The following RASGRF1 variants were observed in gnomAD, a reference collection of about 807,000 sequenced individuals.
RASGRF1 encodes ras-specific guanine nucleotide-releasing factor 1.
In RASGRF1, 40 loss-of-function variants were observed where a neutral mutation model predicts 138.7. That is an observed-to-expected ratio of 0.29 (90% CI 0.22 to 0.38). The LOEUF (loss-of-function observed/expected upper bound fraction) is 0.38, where lower values mean the gene tolerates loss of function less well. Ranked by LOEUF, RASGRF1 falls within the 10% of genes least tolerant of loss-of-function variation. RASGRF1 has a pLI of 1.00. For missense variants in RASGRF1, 1,108 were observed against 1,650.4 expected (o/e 0.67, Z 5.69); for synonymous variants, 614 against 663.2 (o/e 0.93, Z 1.14).
At chr15:79,066,875 C>G (rs184833053) in intron 1 of RASGRF1, among the ~76,000 whole-genome samples, 1 of 152,116 alleles carries the variant, frequency 6.6e-6, no homozygotes, top group African/African-American at 2.4e-5. Context: ...TTCAGGAAGC[C>G]GGCCGCAGGC....
chr15:79,086,171 G>A (rs185262905), intron 1 of RASGRF1, among the ~76,000 whole-genome samples: 1 of 152,170 alleles, frequency 6.6e-6, no homozygotes, highest in Non-Finnish European at 1.5e-5. Context: ...TACATTCTGC[G>A]TTGTTGGCAC....
intron 1 of RASGRF1, among the ~76,000 whole-genome samples, chr15:79,069,934 C>T (rs887821329): frequency 7.2e-5 from 11 of 152,202 alleles, no homozygotes; most frequent in Non-Finnish European, 2.9e-5. Context: ...AAAACCTTGG[C>T]CCTTATGAGG....
chr15:79,048,795 G>C (rs1176949557), intron 4 of RASGRF1, among the ~76,000 whole-genome samples: 1 of 152,216 alleles, frequency 6.6e-6, no homozygotes, highest in Non-Finnish European at 1.5e-5. Context: ...GATGGCGTTG[G>C]GGTCCTTTCA....
chr15:79,018,784 T>G (rs1279947550), intron 11 of RASGRF1, among the ~76,000 whole-genome samples: 4 of 152,108 alleles, frequency 2.6e-5, no homozygotes, highest in African/African-American at 7.2e-5. Flanking sequence ...TGCCTGTGTG[T>G]GGGTGTGTTT....
intron 9 of RASGRF1, among the ~76,000 whole-genome samples, chr15:79,026,407 C>T (rs954718271): frequency 1.3e-5 from 2 of 152,192 alleles, no homozygotes; most frequent in African/African-American, 4.8e-5. Flanking sequence ...TCCAGGCCAC[C>T]ACTCTGCCTC....
At chr15:79,060,340 A>G (rs1388451904) in intron 2 of RASGRF1, among the ~76,000 whole-genome samples, 2 of 152,234 alleles carry the variant, frequency 1.3e-5, no homozygotes, top group African/African-American at 4.8e-5. Flanking sequence ...AACAATCAGC[A>G]TGTCCCATCA....
At chr15:79,058,574 C>A in intron 2 of RASGRF1, 93 bp from the exon 3 acceptor site, 1 of 1,497,206 alleles carries the variant, frequency 6.7e-7, no homozygotes, top group South Asian at 1.3e-5. Flanking sequence ...CTCACCCACC[C>A]ACCTGCACTT....
At chr15:78,995,986 G>A (rs370722283) in intron 19 of RASGRF1, among the ~76,000 whole-genome samples, 186 bp from the exon 20 acceptor site, 164 of 152,242 alleles carry the variant, frequency 1.1e-3, no homozygotes, top group African/African-American at 3.9e-3. Flanking sequence ...CCTGGCTGTG[G>A]GAGGTCCCCT....
rs558737550 is a variant in RASGRF1 at position 79,045,853 on chromosome 15, G to T, written c.878+893C>A. On this transcript the variant is annotated intron_variant, in intron 5 of 26. Coordinates refer to ENST00000558480, the MANE Select transcript of RASGRF1 (RefSeq NM_001145648.3). ...ATGCAGAGGGCTTGGAGAAAAGGCT[G>T]GTTGAGATTAGTGAAAGGACTGAAT... Among the ~76,000 whole-genome samples the T allele has an allele frequency of 2.0e-5, 3 of 152,306 alleles. No individual in the cohort carries two copies. In the South Asian group the frequency reaches 6.2e-4, roughly 32 times the overall value.
At chr15:78,974,040 T>C (rs1362846106) in intron 24 of RASGRF1, among the ~76,000 whole-genome samples, 2 of 152,076 alleles carry the variant, frequency 1.3e-5, no homozygotes, top group African/African-American at 4.8e-5. Context: ...GTTTCCATGG[T>C]TGGTGACTCA....
chr15:79,070,989 C>A (rs1387238909), intron 1 of RASGRF1, among the ~76,000 whole-genome samples: 1 of 152,232 alleles, frequency 6.6e-6, no homozygotes, highest in Non-Finnish European at 1.5e-5. Flanking sequence ...CAACCCTCCC[C>A]AAGGGACACT....
At chr15:79,026,113 G>C (rs1400382004) in intron 9 of RASGRF1, among the ~76,000 whole-genome samples, 1 of 151,986 alleles carries the variant, frequency 6.6e-6, no homozygotes, top group Non-Finnish European at 1.5e-5. Context: ...CCCTACTCTG[G>C]TGTACCCACC....
intron 15 of RASGRF1, 22 bp downstream of exon 15, chr15:79,003,780 C>T (rs2056601667): frequency 4.5e-6 from 7 of 1,562,538 alleles, no homozygotes; most frequent in Non-Finnish European, 6.1e-6. Context: ...TGGGGGGCAG[C>T]TCCGACGGCA....
chr15:78,981,430 G>T (rs2056027311), intron 23 of RASGRF1: 2 of 152,234 alleles, frequency 1.3e-5, no homozygotes, highest in Non-Finnish European at 2.9e-5. Flanking sequence ...GGTGAGATAG[G>T]TTAGAGACTT....
At chr15:78,987,989 T>C (rs1480045727) in intron 22 of RASGRF1, among the ~76,000 whole-genome samples, 1 of 152,098 alleles carries the variant, frequency 6.6e-6, no homozygotes, top group Non-Finnish European at 1.5e-5. Flanking sequence ...AAACAGCAAA[T>C]AGAACTGTGC....
At chr15:78,967,035 G>T (rs2055657220) in intron 26 of RASGRF1, among the ~76,000 whole-genome samples, 1 of 152,080 alleles carries the variant, frequency 6.6e-6, no homozygotes, top group African/African-American at 2.4e-5. Context: ...GGGAATGGTG[G>T]CTCAAACCTG....
At chr15:79,024,271 C>T (rs897102146) in intron 10 of RASGRF1, among the ~76,000 whole-genome samples, 9 of 151,862 alleles carry the variant, frequency 5.9e-5, no homozygotes, top group African/African-American at 2.2e-4. Context: ...CACAGAAAGA[C>T]AATACATATA....
In RASGRF1 at chr15:78,991,760, T is replaced by A. The variant is rs375185257; in HGVS notation, c.3062A>T (p.His1021Leu). The A allele has an allele frequency of 1.0e-4, 166 of 1,613,742 alleles. 1 individual carries two copies. The highest frequency in any genetic ancestry group is 1.4e-4 in the Non-Finnish European group (160 of 1,179,886). Residue 1021 changes from histidine (H) to leucine (L), a missense_variant, in exon 21 of 27, where the codon CAC becomes CTC. By Grantham distance (99) the His-to-Leu change is moderately conservative. Around this residue, in one of 3 missense-constraint regions of RASGRF1, gnomAD observed 686 missense variants for 976.7 expected, o/e 0.70. Transcript: ENST00000558480. ...CTGCTCCGCGATCTCCAGGGCTGAG[T>A]GGTTTTCAAAGGGCTCAGCCTTCAC... ...EGVKAEPFEN[H>L]SALEIAEQLT... is the part of the protein sequence containing the mutation.
rs2140989554 is a variant in RASGRF1 at position 79,025,654 on chromosome 15, G to A, written c.1382-180C>T. On this transcript the variant is annotated intron_variant, in intron 9 of 26. Coordinates refer to ENST00000558480, the MANE Select transcript of RASGRF1 (RefSeq NM_001145648.3). Reference sequence around the variant, plus strand: ...TCTCTGCAGGGCCAGATGGCTGAGGGATGAGAGGTGATCAGAGAAGCTCCA... The same window carrying A: ...TCTCTGCAGGGCCAGATGGCTGAGGAATGAGAGGTGATCAGAGAAGCTCCA... Among the ~76,000 whole-genome samples the A allele has an allele frequency of 2.6e-5, 4 of 152,322 alleles. No individual in the cohort carries two copies. In the Middle Eastern group the frequency reaches 0.014, roughly 518 times the overall value.
Sources: gnomAD v4.1 joint callset for allele counts (sites outside exome capture counted in the v4.1 genomes callset) on GRCh38, gnomAD v4.1.1 for gene constraint, gnomAD v4.1.1 regional missense constraint, MANE v1.5 for transcripts, NCBI Gene and HGNC (gene_info 2026-07-23, HGNC 2026-07-21) for gene names.